The following SHISA9 variants were observed in gnomAD, a reference collection of about 807,000 sequenced individuals.
SHISA9 encodes shisa family member 9, also known as protein shisa-9.
A neutral mutation model predicts 38.0 loss-of-function variants in SHISA9; 13 were observed. The observed-to-expected ratio is 0.34, with a 90% CI of 0.22 to 0.54. SHISA9 has a LOEUF of 0.54. SHISA9 is among the 20% of genes least tolerant of loss of function. The pLI is 0.91. For missense variants in SHISA9, 538 were observed against 575.8 expected (o/e 0.93, Z 0.67); for synonymous variants, 275 against 242.0 (o/e 1.14, Z -1.27).
chr16:13,258,744 C>T, the SHISA9 span, among the ~76,000 whole-genome samples: 6 of 152,114 alleles, frequency 3.9e-5, no homozygotes, highest in Non-Finnish European at 7.4e-5. Context: ...CTGATAAACC[C>T]ATCAGATTTC....
At chr16:12,909,908 G>A (rs2071158773) in intron 1 of SHISA9, 1 of 150,536 alleles carries the variant, frequency 6.6e-6, no homozygotes, top group South Asian at 2.1e-4. Context: ...CCCGGCTGGA[G>A]TGCAGTGGTG....
intron 2 of SHISA9, among the ~76,000 whole-genome samples, chr16:13,190,584 ACCTC>A (rs2050875224): frequency 6.6e-6 from 1 of 152,012 alleles, no homozygotes; most frequent in Non-Finnish European, 1.5e-5. Flanking sequence ...TTGCGCGGGA[ACCTC>A]TGTTTTGCTG....
intron 2 of SHISA9, among the ~76,000 whole-genome samples, chr16:13,035,643 G>A (rs533062584): frequency 6.6e-6 from 1 of 152,060 alleles, no homozygotes; most frequent in South Asian, 2.1e-4. Context: ...TGATTCTCCT[G>A]TCTCAGCCTC....
At chr16:13,386,009 G>A in the SHISA9 span, among the ~76,000 whole-genome samples, 1 of 152,166 alleles carries the variant, frequency 6.6e-6, no homozygotes, top group Non-Finnish European at 1.5e-5. Context: ...GTGTGTGTGA[G>A]TAAGAAAGGA....
chr16:13,365,323 G>A, the SHISA9 span, among the ~76,000 whole-genome samples: 1 of 152,138 alleles, frequency 6.6e-6, no homozygotes, highest in Admixed American at 6.5e-5. Context: ...TACAATGTAA[G>A]GAGGGTAGTG....
At chr16:13,359,370 G>GTGAGGGAT in the SHISA9 span, among the ~76,000 whole-genome samples, 2 of 152,080 alleles carry the variant, frequency 1.3e-5, no homozygotes, top group Non-Finnish European at 1.5e-5. Flanking sequence ...GTAATCCCAG[G>GTGAGGGAT]TACCCGGGAG....
the SHISA9 span, among the ~76,000 whole-genome samples, chr16:13,412,758 G>A: frequency 1.3e-5 from 2 of 151,652 alleles, no homozygotes; most frequent in Non-Finnish European, 2.9e-5. Flanking sequence ...TTGGGATGCT[G>A]AGGTAGGAGG....
intron 2 of SHISA9, among the ~76,000 whole-genome samples, chr16:13,198,363 T>A (rs1021314999): frequency 2.0e-5 from 3 of 151,692 alleles, no homozygotes; most frequent in Admixed American, 6.6e-5. Context: ...TATACTTGTA[T>A]GTGTATGTAC....
At chr16:12,981,425 C>G (rs2072238654) in intron 2 of SHISA9, among the ~76,000 whole-genome samples, 1 of 152,224 alleles carries the variant, frequency 6.6e-6, no homozygotes, top group African/African-American at 2.4e-5. Flanking sequence ...TCCAGTTTAT[C>G]CTTTCACAGC....
intron 2 of SHISA9, among the ~76,000 whole-genome samples, chr16:13,135,095 AC>A (rs556323141): frequency 6.6e-5 from 10 of 152,326 alleles, no homozygotes; most frequent in African/African-American, 2.4e-4. Context: ...AAAACAAGTC[AC>A]ATGACTCAGG....
chr16:13,357,309 TGAAAG>T, the SHISA9 span, among the ~76,000 whole-genome samples: 1 of 151,466 alleles, frequency 6.6e-6, no homozygotes, highest in Non-Finnish European at 1.5e-5. Context: ...TACTAGAAAA[TGAAAG>T]GAATTGAAAT....
At chr16:13,266,732 T>C in the SHISA9 span, among the ~76,000 whole-genome samples, 1 of 151,934 alleles carries the variant, frequency 6.6e-6, no homozygotes, top group Non-Finnish European at 1.5e-5. Context: ...TAGTGGTGGG[T>C]GGAACAGAGA....
At chr16:13,439,925 C>G in the SHISA9 span, among the ~76,000 whole-genome samples, 1 of 152,274 alleles carries the variant, frequency 6.6e-6, no homozygotes, top group East Asian at 1.9e-4. Context: ...GGGCAGTGAT[C>G]TCAGCGATTT....
the SHISA9 span, among the ~76,000 whole-genome samples, chr16:13,363,369 G>T: frequency 1.3e-5 from 2 of 152,242 alleles, no homozygotes; most frequent in Non-Finnish European, 2.9e-5. Flanking sequence ...TTGGCACAAT[G>T]ACCGGCACCT....
At chr16:13,301,487 C>T in the SHISA9 span, among the ~76,000 whole-genome samples, 3 of 152,188 alleles carry the variant, frequency 2.0e-5, no homozygotes, top group African/African-American at 7.2e-5. Context: ...AAGTCATATG[C>T]AGCTGCTGGT....
At chr16:13,104,158 G>GTTTA (rs1166955921) in intron 2 of SHISA9, among the ~76,000 whole-genome samples, 2 of 152,048 alleles carry the variant, frequency 1.3e-5, no homozygotes, top group Non-Finnish European at 2.9e-5. Flanking sequence ...AGGGGGCCAG[G>GTTTA]TTTACCAGCT....
intron 2 of SHISA9, among the ~76,000 whole-genome samples, chr16:13,178,066 TG>T (rs906823468): frequency 1.3e-5 from 2 of 152,094 alleles, no homozygotes; most frequent in African/African-American, 4.8e-5. Context: ...AATGAACGAG[TG>T]AATAATCACA....
At chr16:13,021,094 C>T (rs920016914) in intron 2 of SHISA9, among the ~76,000 whole-genome samples, 2 of 152,184 alleles carry the variant, frequency 1.3e-5, no homozygotes, top group Non-Finnish European at 2.9e-5. Context: ...TTATGGACGG[C>T]AATAGCTATA....
the SHISA9 span, among the ~76,000 whole-genome samples, chr16:13,536,624 A>G: frequency 6.6e-6 from 1 of 152,228 alleles, no homozygotes; most frequent in Non-Finnish European, 1.5e-5. Flanking sequence ...GCAAAGAAGA[A>G]GACGCTGGAA....
Sources: allele counts gnomAD v4.1 joint callset (sites outside exome capture counted in the v4.1 genomes callset), GRCh38; gene constraint gnomAD v4.1.1; transcripts MANE v1.5; gene names NCBI Gene and HGNC (gene_info 2026-07-23, HGNC 2026-07-21).